Variants in SI observed in about 807,000 individuals in gnomAD.
The protein encoded by SI is sucrase-isomaltase, intestinal.
A neutral mutation model predicts 253.3 loss-of-function variants in SI; 235 were observed. The ratio of observed to expected loss-of-function variants is 0.93; its 90% CI spans 0.83 to 1.03. The LOEUF is 1.03. Among genes scored for constraint, SI ranks in the 50% least tolerant of loss-of-function variants. The probability of loss-of-function intolerance (pLI) is 0.00; values close to 1 mark genes in which losing one functional copy is unlikely to be tolerated. For synonymous variants in SI, 819 were observed against 712.0 expected, an observed-to-expected ratio of 1.15 and a Z score of -2.39; for missense variants, 2,442 against 2,211.1, an observed-to-expected ratio of 1.10 and a Z score of -2.09.
rs969477023 is a variant in SI, at chr3:165,041,017, G to C, written c.2082C>G (p.Thr694=). Residue 694 remains threonine, a synonymous_variant, in exon 18 of 48, where the codon ACC becomes ACG. Transcript: ENST00000264382. ...SSRQYLTIRY[T]LLPFLYTLFY... ...ACAGAGTGTAGAGGAAGGGTAATAA[G>C]GTGTAGCGAATAGTTAAATACTGCC... The C allele has an allele frequency of 6.8e-6, 11 of 1,612,380 alleles. No individual in the cohort carries two copies. Among genetic ancestry groups the C allele is most frequent in the African/African-American group, 1.3e-5 (1 of 74,920 alleles).
intron 45 of SI, among the ~76,000 whole-genome samples, chr3:164,983,849 T>C (rs983935874): frequency 6.6e-6 from 1 of 151,996 alleles, no homozygotes; most frequent in Non-Finnish European, 1.5e-5. Flanking sequence ...TGCCTTAGCC[T>C]CCCAAAGAAC....
chr3:165,023,331 G>T (rs1332726342), intron 26 of SI, among the ~76,000 whole-genome samples: 1 of 151,320 alleles, frequency 6.6e-6, no homozygotes, highest in Non-Finnish European at 1.5e-5. Flanking sequence ...TATTTTGTAA[G>T]AATTTAAATT....
At chr3:165,085,790 T>A in the SI span, among the ~76,000 whole-genome samples, 1 of 152,174 alleles carries the variant, frequency 6.6e-6, no homozygotes, top group South Asian at 2.1e-4. Context: ...GAAGACATTT[T>A]ATGTTGTTAA....
intron 12 of SI, among the ~76,000 whole-genome samples, chr3:165,055,789 C>G (rs1713668406): frequency 6.6e-6 from 1 of 152,000 alleles, no homozygotes; most frequent in Non-Finnish European, 1.5e-5. Flanking sequence ...TAATTACTAA[C>G]ATATAATCTT....
intron 15 of SI, among the ~76,000 whole-genome samples, chr3:165,047,803 T>C (rs1713201393): frequency 6.6e-6 from 1 of 150,942 alleles, no homozygotes; most frequent in South Asian, 2.1e-4. Context: ...TTTCAAATAT[T>C]AGCAGGCAAG....
chr3:165,011,331 T>G (rs1718758109), intron 34 of SI, among the ~76,000 whole-genome samples: 1 of 152,160 alleles, frequency 6.6e-6, no homozygotes, highest in Admixed American at 6.5e-5. Flanking sequence ...TGAAGAAATT[T>G]TCTAATTCTC....
chr3:164,983,954 T>A (rs534599183), intron 45 of SI, among the ~76,000 whole-genome samples: 25 of 152,222 alleles, frequency 1.6e-4, no homozygotes, highest in African/African-American at 4.6e-4. Context: ...GTAAAACTTG[T>A]TTAGTGCTGA....
chr3:165,081,404 C>G (rs1303723104), upstream of SI, among the ~76,000 whole-genome samples: 1 of 151,906 alleles, frequency 6.6e-6, no homozygotes. Context: ...TGTTCAACTA[C>G]TCTCTTTAGG....
intron 37 of SI, among the ~76,000 whole-genome samples, 183 bp from the exon 38 acceptor site, chr3:164,998,856 A>AC (rs1231909643): frequency 1.3e-5 from 2 of 151,786 alleles, no homozygotes; most frequent in African/African-American, 2.4e-5. Flanking sequence ...AACATAAAGG[A>AC]CGTCTTTTTC....
intron 30 of SI, 37 bp from the exon 31 acceptor site, chr3:165,017,710 C>G (rs752427200): frequency 6.2e-7 from 1 of 1,605,168 alleles, no homozygotes; most frequent in Non-Finnish European, 8.5e-7. Flanking sequence ...AAGAGAATTA[C>G]TTTATGCTAT....
rs751302042 is a variant in SI, at chr3:165,033,347, G to T, written c.2565+48C>A. ...AATTTATCATAAAAGAATAACCTAG[G>T]CATGAACAAATTATGCATTTAAGTA... On this transcript the variant is annotated intron_variant, in intron 23 of 47. Transcript: ENST00000264382. The T allele has an allele frequency of 8.1e-6, 12 of 1,485,716 alleles. No homozygotes were observed. In the South Asian group the frequency reaches 1.7e-4, roughly 21 times the overall value. 92.0% of individuals were successfully genotyped at this position (1,485,716 alleles called of 1,614,324 possible). A position where few individuals can be genotyped will look rare whatever the true frequency, so the allele number is the denominator to read the frequency against.
At chr3:165,048,569 A>ATATATATATATATACATATATATATG (rs1713252252) in intron 15 of SI, among the ~76,000 whole-genome samples, 2 of 55,306 alleles carry the variant, frequency 3.6e-5, no homozygotes, top group Non-Finnish European at 7.6e-5. Context: ...ATATATATGT[A>ATATATATATATATACATATATATATG]TATATATATA....
In SI at chr3:165,039,878, A is replaced by G. The variant is rs999432467; in HGVS notation, c.2244+9T>C. The G allele has an allele frequency of 3.8e-6, 6 of 1,594,830 alleles. No homozygotes were observed. In the African/African-American group the frequency reaches 6.7e-5, roughly 18 times the overall value. On this transcript the variant is annotated intron_variant, in intron 19 of 47. Coordinates refer to ENST00000264382, the MANE Select transcript of SI (RefSeq NM_001041.4). Reference sequence around the variant, plus strand: ...CAAACAATAAGGTTATTAAACCTGTAGAGCCTACCTGTTTTAGAACAGGAG... The same window carrying G: ...CAAACAATAAGGTTATTAAACCTGTGGAGCCTACCTGTTTTAGAACAGGAG...
intron 13 of SI, among the ~76,000 whole-genome samples, chr3:165,053,132 A>C (rs956223970): frequency 2.0e-5 from 3 of 151,832 alleles, no homozygotes; most frequent in Non-Finnish European, 4.4e-5. Flanking sequence ...CATTAAGTAC[A>C]GTAGGCTTTT....
rs1286911556 is a variant in SI at position 165,065,378 on chromosome 3, TGAG to T, written c.687_689del (p.Ser230del). The T allele has an allele frequency of 6.3e-6, 10 of 1,578,476 alleles. No homozygotes were observed. The highest frequency in any genetic ancestry group is 7.8e-6 in the Non-Finnish European group (9 of 1,152,962). ...AAATATAATCACTTGGAAGACGGGTTGAGATCTGTAAGTACTGGTCAGAGTACA... is the reference window on the plus strand; with the variant it reads ...AAATATAATCACTTGGAAGACGGGTTATCTGTAAGTACTGGTCAGAGTACA... On this transcript the variant is annotated inframe_deletion, in exon 7 of 48. Transcript: ENST00000264382.
At chr3:165,045,286 A>G (rs531936613) in intron 16 of SI, among the ~76,000 whole-genome samples, 1 of 152,216 alleles carries the variant, frequency 6.6e-6, no homozygotes, top group Non-Finnish European at 1.5e-5. Context: ...TATTCCTAAT[A>G]TATTGAGCCT....
At chr3:164,997,197 AC>A (rs1314907099) in intron 38 of SI, among the ~76,000 whole-genome samples, 8 of 151,790 alleles carry the variant, frequency 5.3e-5, no homozygotes, top group Non-Finnish European at 8.8e-5. Context: ...TTCTTATTAA[AC>A]AAATCCTTTA....
At chr3:165,077,502 G>A (rs1164776045) in intron 1 of SI, among the ~76,000 whole-genome samples, 4 of 151,594 alleles carry the variant, frequency 2.6e-5, no homozygotes, top group Non-Finnish European at 4.4e-5. Context: ...CTGCAGATTA[G>A]CATTTATTCT....
chr3:164,990,363 TAAG>T (rs1717673669), intron 44 of SI, among the ~76,000 whole-genome samples: 1 of 152,158 alleles, frequency 6.6e-6, no homozygotes, highest in Non-Finnish European at 1.5e-5. Context: ...ATTCAAAATA[TAAG>T]ACATTAAGTT....
Sources: allele counts gnomAD v4.1 joint callset (sites outside exome capture counted in the v4.1 genomes callset), GRCh38; gene constraint gnomAD v4.1.1; transcripts MANE v1.5; gene names NCBI Gene and HGNC (gene_info 2026-07-23, HGNC 2026-07-21).